Variants in RNF150 observed in about 807,000 individuals in gnomAD.
The protein encoded by RNF150 is ring finger protein 150.
Under a neutral mutation model 39.3 loss-of-function variants are expected in RNF150, and 24 were observed. That is an observed-to-expected ratio of 0.61 (90% CI 0.44 to 0.86). RNF150 has a LOEUF of 0.86. Ranked by LOEUF, RNF150 falls within the 40% of genes least tolerant of loss-of-function variation. The probability of loss-of-function intolerance (pLI) is 0.00; values close to 1 mark genes in which losing one functional copy is unlikely to be tolerated. For missense variants in RNF150, 502 were observed against 587.8 expected, an observed-to-expected ratio of 0.85 and a Z score of 1.51; for synonymous variants, 255 against 227.3, an observed-to-expected ratio of 1.12 and a Z score of -1.10.
At chr4:141,123,619 GT>G (rs888247092) in intron 1 of RNF150, among the ~76,000 whole-genome samples, 1 of 152,146 alleles carries the variant, frequency 6.6e-6, no homozygotes, top group Non-Finnish European at 1.5e-5. Context: ...TGTTACATAT[GT>G]ATACATGTGC....
intron 1 of RNF150, among the ~76,000 whole-genome samples, chr4:141,204,380 G>A (rs918642078): frequency 2.8e-4 from 43 of 152,310 alleles, no homozygotes; most frequent in Non-Finnish European, 4.7e-4. Context: ...GCAAAAGTTA[G>A]TTATGATAAT....
chr4:140,910,704 A>AGTGTGT (rs971137973), intron 6 of RNF150, among the ~76,000 whole-genome samples: 3 of 35,282 alleles, frequency 8.5e-5, no homozygotes, highest in African/African-American at 2.1e-4. Context: ...TCGGGGCTCC[A>AGTGTGT]GTGTGTGTGT....
chr4:140,917,100 A>G (rs1029546834), intron 5 of RNF150, among the ~76,000 whole-genome samples: 1 of 152,230 alleles, frequency 6.6e-6, no homozygotes, highest in African/African-American at 2.4e-5. Context: ...GCCAAATTGT[A>G]AAGACCATCA....
intron 1 of RNF150, among the ~76,000 whole-genome samples, chr4:140,976,585 T>C (rs993800335): frequency 6.6e-6 from 1 of 151,902 alleles, no homozygotes; most frequent in Non-Finnish European, 1.5e-5. Flanking sequence ...AAAGACGTCA[T>C]TTTCCAGTGC....
chr4:140,934,183 G>A (rs184360531), intron 4 of RNF150, among the ~76,000 whole-genome samples: 2 of 152,176 alleles, frequency 1.3e-5, no homozygotes, highest in African/African-American at 4.8e-5. Context: ...GCTAATTTTT[G>A]TATTTTTGTA....
chr4:141,111,294 A>G (rs1393543285), intron 1 of RNF150, among the ~76,000 whole-genome samples: 1 of 152,214 alleles, frequency 6.6e-6, no homozygotes, highest in African/African-American at 2.4e-5. Flanking sequence ...TCATTGGCAA[A>G]ATAAACAATT....
chr4:141,130,474 TAATC>T (rs1726865270), intron 1 of RNF150, among the ~76,000 whole-genome samples: 1 of 152,226 alleles, frequency 6.6e-6, no homozygotes, highest in Non-Finnish European at 1.5e-5. Context: ...CCCACTATCT[TAATC>T]AAGCATCATT....
chr4:141,012,102 T>C (rs545649809), intron 1 of RNF150, among the ~76,000 whole-genome samples: 2 of 152,400 alleles, frequency 1.3e-5, no homozygotes, highest in South Asian at 4.1e-4. Context: ...ATTGAAATTA[T>C]TGTGAAATAA....
At chr4:141,123,311 G>C (rs1726662687) in intron 1 of RNF150, among the ~76,000 whole-genome samples, 1 of 152,148 alleles carries the variant, frequency 6.6e-6, no homozygotes, top group African/African-American at 2.4e-5. Flanking sequence ...AGCTTACTGA[G>C]AAGAGCAAAG....
At chr4:141,010,912 GAAC>G (rs1185715685) in intron 1 of RNF150, among the ~76,000 whole-genome samples, 1 of 152,050 alleles carries the variant, frequency 6.6e-6, no homozygotes, top group Non-Finnish European at 1.5e-5. Context: ...AAGAAGACCA[GAAC>G]AAGGTTTTCC....
upstream of RNF150, among the ~76,000 whole-genome samples, chr4:141,134,059 C>T (rs1000263569): frequency 1.3e-5 from 2 of 152,290 alleles, no homozygotes; most frequent in Middle Eastern, 3.4e-3. Context: ...ATCTAACATT[C>T]GTTTTCTTAT....
At chr4:141,163,500 CCTGA>C (rs1304404459) in intron 1 of RNF150, among the ~76,000 whole-genome samples, 1 of 152,196 alleles carries the variant, frequency 6.6e-6, no homozygotes, top group East Asian at 1.9e-4. Context: ...CCCTGTGCCT[CCTGA>C]CTGGGAGATA....
chr4:141,192,363 A>G (rs1728124726), intron 1 of RNF150, among the ~76,000 whole-genome samples: 1 of 152,202 alleles, frequency 6.6e-6, no homozygotes, highest in African/African-American at 2.4e-5. Context: ...TTAAAAGTAC[A>G]CAGAGTATTC....
rs574768741 is a variant in RNF150, at chr4:140,953,890, C to T, written c.736-4518G>A. Among the ~76,000 whole-genome samples, 3 of 152,298 alleles carry T rather than the reference C, an allele frequency of 2.0e-5. No homozygotes were observed. The South Asian group carries it at 6.2e-4, about 32-fold the overall frequency. On this transcript the variant is annotated intron_variant, in intron 2 of 6. Transcript: ENST00000515673. ...CTGTTGCTTTTGTAATTGATCTCTT[C>T]TGTCTTTGGGTTTTTGATTGCACCC...
At chr4:140,908,094 C>A (rs373943507) in intron 6 of RNF150, among the ~76,000 whole-genome samples, 4 of 152,224 alleles carry the variant, frequency 2.6e-5, no homozygotes, top group African/African-American at 9.6e-5. Flanking sequence ...TCCAACTACA[C>A]TTACGTGTAT....
chr4:141,022,315 C>T (rs1305707651), intron 1 of RNF150, among the ~76,000 whole-genome samples: 3 of 152,044 alleles, frequency 2.0e-5, no homozygotes, highest in Admixed American at 6.6e-5. Context: ...TTTTATCCCC[C>T]CTCTAACTCT....
At chr4:140,973,571 G>A (rs1733545291) in intron 1 of RNF150, among the ~76,000 whole-genome samples, 1 of 151,650 alleles carries the variant, frequency 6.6e-6, no homozygotes. Flanking sequence ...AATAATTATA[G>A]ACTAATAACA....
intron 2 of RNF150, among the ~76,000 whole-genome samples, chr4:140,952,372 C>A (rs999251712): frequency 6.6e-6 from 1 of 152,270 alleles, no homozygotes; most frequent in East Asian, 1.9e-4. Context: ...AATTCAATTT[C>A]TTTTAAAATA....
chr4:141,144,771 G>C (rs890787244), intron 1 of RNF150, among the ~76,000 whole-genome samples: 1 of 152,030 alleles, frequency 6.6e-6, no homozygotes, highest in African/African-American at 2.4e-5. Flanking sequence ...CTAGACACAA[G>C]TGTTATGAAA....
Sources: allele counts gnomAD v4.1 joint callset (sites outside exome capture counted in the v4.1 genomes callset), GRCh38; gene constraint gnomAD v4.1.1; transcripts MANE v1.5; gene names NCBI Gene and HGNC (gene_info 2026-07-23, HGNC 2026-07-21).